GRID2IP: variants seen among roughly 807,000 people sequenced by gnomAD.
The protein encoded by GRID2IP is Grid2 interacting protein.
In GRID2IP, 78 loss-of-function variants were observed where a neutral mutation model predicts 114.3. That is an observed-to-expected ratio of 0.68 (90% CI 0.57 to 0.82). GRID2IP has a LOEUF of 0.82. GRID2IP is among the 40% of genes least tolerant of loss of function. GRID2IP has a pLI of 0.00. For synonymous variants in GRID2IP, 809 were observed against 724.0 expected, an observed-to-expected ratio of 1.12 and a Z score of -1.89; for missense variants, 1,727 against 1,678.5, an observed-to-expected ratio of 1.03 and a Z score of -0.51.
At chr7:6,544,614 C>G (rs1779859620) in intron 1 of GRID2IP, among the ~76,000 whole-genome samples, 1 of 151,992 alleles carries the variant, frequency 6.6e-6, no homozygotes, top group Non-Finnish European at 1.5e-5. Context: ...TCTCCATTCC[C>G]TGCAGCTTAT....
At chr7:6,505,978 C>A (rs1786572258) in intron 13 of GRID2IP, 71 bp from the exon 14 acceptor site, 8 of 1,065,574 alleles carry the variant, frequency 7.5e-6, no homozygotes, top group Non-Finnish European at 1.1e-5. Context: ...ACTTCCCACC[C>A]TCTGAGGGCT....
At chr7:6,510,050 A>G (rs370798212) in intron 11 of GRID2IP, among the ~76,000 whole-genome samples, 1 of 152,044 alleles carries the variant, frequency 6.6e-6, no homozygotes, top group African/African-American at 2.4e-5. Flanking sequence ...GGCTGGTCTC[A>G]AACTCCTGGG....
In GRID2IP at chr7:6,526,419, C is replaced by G; in HGVS notation, c.833+102G>C. On this transcript the variant is annotated intron_variant, in intron 3 of 21. Transcript: ENST00000457091. This position sits in a 1 kb window ranked among gnomAD's most constrained non-coding sequence, Gnocchi z 7.6. ...CTTAACCTCTCCGGCCCCCTATGCA[C>G]CCCAGATGCCCAGCCCCGCCCCTAC... 6.6e-7 allele frequency: 1 copy of G among 1,506,594 alleles called. No individual in the cohort carries two copies. The highest frequency in any genetic ancestry group is 8.9e-7 in the Non-Finnish European group (1 of 1,121,574). The allele number at this position is 1,506,594 out of a possible 1,614,324, so 93.3% of individuals were successfully genotyped here.
At position 6,505,889 on chromosome 7, in the gene GRID2IP, A is replaced by T; in HGVS notation, c.2563T>A (p.Tyr855Asn). The change falls in exon 14 of 22, where the codon TAC becomes AAC. Residue 855 changes from tyrosine (Y) to asparagine (N), a missense_variant. Physicochemically the swap from Tyr to Asn is moderately radical, Grantham distance 143. Coordinates refer to ENST00000457091, the MANE Select transcript of GRID2IP (RefSeq NM_001145118.2). The part of the protein sequence containing the change: ...IWGQLGEDSD[Y>N]DKLSDMVKYL... ...TTCACCATGTCACTCAGCTTATCGT[A>T]GTCAGAGTCTTCCCCGAGCTGCGAG... is the stretch of plus-strand genomic sequence containing the variant. The T allele has an allele frequency of 6.4e-7, 1 of 1,551,950 alleles. No homozygotes were observed. Among genetic ancestry groups the T allele is most frequent in the Non-Finnish European group, 8.7e-7 (1 of 1,146,922 alleles).
chr7:6,521,797 G>T lies in GRID2IP; in HGVS notation c.989+91C>A, dbSNP rs1044372306. 7 of 967,024 alleles carry T rather than the reference G, an allele frequency of 7.2e-6. No individual in the cohort carries two copies. The African/African-American group carries it at 1.1e-4, about 16-fold the overall frequency. 59.9% of individuals were successfully genotyped at this position (967,024 alleles called of 1,614,324 possible). A position where few individuals can be genotyped will look rare whatever the true frequency, so the allele number is the denominator to read the frequency against. On this transcript the variant is annotated intron_variant, in intron 5 of 21. Coordinates refer to ENST00000457091, the MANE Select transcript of GRID2IP (RefSeq NM_001145118.2). This position sits in a 1 kb window ranked among gnomAD's most constrained non-coding sequence, Gnocchi z 4.1. ...GGACCAAATGGTGAGAGGAGATTGT[G>T]ATCACAGCCTGGGTGCCCCAAGAGG...
chr7:6,539,123 A>T (rs1157462266), intron 2 of GRID2IP, among the ~76,000 whole-genome samples: 3 of 136,702 alleles, frequency 2.2e-5, no homozygotes, highest in Non-Finnish European at 4.6e-5. Flanking sequence ...GGAGCAGGGC[A>T]GACTGTGACC....
chr7:6,509,202 T>C lies in GRID2IP; in HGVS notation c.1883A>G (p.His628Arg). The change falls in exon 12 of 22, where the codon CAC becomes CGC. Residue 628 changes from histidine (H) to arginine (R), a missense_variant. By Grantham distance (29) the His-to-Arg change is conservative (BLOSUM62 0). Coordinates refer to ENST00000457091, the MANE Select transcript of GRID2IP (RefSeq NM_001145118.2). The surrounding 1 kb of genome is among the most constrained non-coding windows in gnomAD (Gnocchi z 4.9). Reference protein sequence around the residue: ...GLASPSSSESHPYASLDSSRA... With the variant: ...GLASPSSSESRPYASLDSSRA... Reference sequence around the variant, plus strand: ...GCTGCTGTCCAGGCTGGCGTAGGGGTGGGACTCAGAGCTGCTGGGGGAGGC... The same window carrying C: ...GCTGCTGTCCAGGCTGGCGTAGGGGCGGGACTCAGAGCTGCTGGGGGAGGC... 1 of 1,486,298 alleles carries C rather than the reference T, an allele frequency of 6.7e-7. No homozygotes were observed. Among genetic ancestry groups the C allele is most frequent in the Non-Finnish European group, 9.0e-7 (1 of 1,115,800 alleles). 92.1% of individuals were successfully genotyped at this position (1,486,298 alleles called of 1,614,324 possible).
intron 2 of GRID2IP, chr7:6,530,920 G>T: frequency 4.2e-6 from 2 of 474,482 alleles, no homozygotes; most frequent in East Asian, 3.5e-5. Flanking sequence ...CTGGGCCTCG[G>T]GCTCCGCCCA....
intron 7 of GRID2IP, 140 bp from the exon 8 acceptor site, chr7:6,514,669 G>T: frequency 1.4e-6 from 1 of 708,832 alleles, no homozygotes; most frequent in Non-Finnish European, 2.1e-6. Context: ...ACAGAAGTGG[G>T]GGCCGGGCAC....
chr7:6,526,758 G>C lies in GRID2IP; in HGVS notation c.596C>G (p.Pro199Arg), dbSNP rs928207576. The C allele has an allele frequency of 6.6e-7, 1 of 1,523,250 alleles. No homozygotes were observed. Among genetic ancestry groups the C allele is most frequent in the African/African-American group, 1.4e-5 (1 of 69,880 alleles). The allele number at this position is 1,523,250 out of a possible 1,614,324, so 94.4% of individuals were successfully genotyped here. A position where few individuals can be genotyped will look rare whatever the true frequency, so the allele number is the denominator to read the frequency against. Reference sequence around the variant, plus strand: ...GTCGAAGCGCGCCCGGTGCTTCTTGGGGATGAAGATCCTGCCGGCGAGGAC... The same window carrying C: ...GTCGAAGCGCGCCCGGTGCTTCTTGCGGATGAAGATCCTGCCGGCGAGGAC... ...PLLDNLRIFI[P>R]KKHRARFDEV... The change falls in exon 3 of 22, where the codon CCC (proline) becomes CGC (arginine). Residue 199 changes from proline (P) to arginine (R), a missense_variant. Transcript: ENST00000457091. The surrounding 1 kb of genome is among the most constrained non-coding windows in gnomAD (Gnocchi z 7.6).
Position 6,503,704 on chromosome 7 carries a change from G to A in GRID2IP, c.2711-17C>T. On this transcript the variant is annotated splice_polypyrimidine_tract_variant and intron_variant, in intron 15 of 21. Coordinates refer to ENST00000457091, the MANE Select transcript of GRID2IP (RefSeq NM_001145118.2). ...AGAGGATGGCTGCGGGCGGGGCGGG[G>A]CGGTGAGCTGGGCGGGGCCGGAGCG... The A allele has an allele frequency of 6.8e-7, 1 of 1,462,072 alleles. No homozygotes were observed. The highest frequency in any genetic ancestry group is 9.0e-7 in the Non-Finnish European group (1 of 1,113,112). The allele number at this position is 1,462,072 out of a possible 1,614,324, so 90.6% of individuals were successfully genotyped here.
intron 7 of GRID2IP, among the ~76,000 whole-genome samples, chr7:6,517,988 T>C (rs1319348764): frequency 6.6e-6 from 1 of 151,724 alleles, no homozygotes; most frequent in Non-Finnish European, 1.5e-5. Context: ...TCCCAGCACT[T>C]TGGAAGGCTA....
In GRID2IP at chr7:6,503,146, T is replaced by C; in HGVS notation, c.2925A>G (p.Glu975=). 1 of 1,535,642 alleles carries C rather than the reference T, an allele frequency of 6.5e-7. No homozygotes were observed. Among genetic ancestry groups the C allele is most frequent in the East Asian group, 2.5e-5 (1 of 40,690 alleles). ...QFVLQMLSVP[E]YKTRLRSLHF... is the part of the protein sequence containing the mutation. ...GGAGGCTGCGCAGGCGTGTCTTGTA[T>C]TCGGGAACTGACAGCATCTGCCTCG... Residue 975 remains glutamate (E), a synonymous_variant, in exon 17 of 22, where the codon GAA becomes GAG. Coordinates refer to ENST00000457091, the MANE Select transcript of GRID2IP (RefSeq NM_001145118.2).
chr7:6,510,417 GA>G lies in GRID2IP; in HGVS notation c.1654-18del. On this transcript the variant is annotated intron_variant, in intron 10 of 21. Transcript: ENST00000457091. ...GGCTGACATCTGGAGGGAGACGGGG[GA>G]GAGTCCAGCCCATTCTGCTTCCCCT... 1 of 1,500,568 alleles carries G rather than the reference GA, an allele frequency of 6.7e-7. No individual in the cohort carries two copies. Among genetic ancestry groups the G allele is most frequent in the South Asian group, 1.3e-5 (1 of 78,130 alleles). The allele number at this position is 1,500,568 out of a possible 1,614,324, so 93.0% of individuals were successfully genotyped here. A position where few individuals can be genotyped will look rare whatever the true frequency, so the allele number is the denominator to read the frequency against.
In GRID2IP at chr7:6,507,379, G is replaced by GAA. The variant is rs796392882; in HGVS notation, c.2544+604_2544+605dup. Among the ~76,000 whole-genome samples, 48 of 139,672 alleles carry GAA rather than the reference G, an allele frequency of 3.4e-4. No homozygotes were observed. The highest frequency in any genetic ancestry group is 1.6e-3 in the Admixed American group (23 of 14,050). 91.6% of individuals were successfully genotyped at this position (139,672 alleles called of 152,430 possible). A position where few individuals can be genotyped will look rare whatever the true frequency, so the allele number is the denominator to read the frequency against. Reference sequence around the variant, plus strand: ...AAACCATGTTCTAAGAGAATGATCTGAAAAAAAAAAAAAGGGGTGGGGTGA... The same window carrying GAA: ...AAACCATGTTCTAAGAGAATGATCTGAAAAAAAAAAAAAAAGGGGTGGGGTGA... On this transcript the variant is annotated intron_variant, in intron 13 of 21. Coordinates refer to ENST00000457091, the MANE Select transcript of GRID2IP (RefSeq NM_001145118.2). This position sits in a 1 kb window ranked among gnomAD's most constrained non-coding sequence, Gnocchi z 5.3.
At chr7:6,501,726 T>A (rs755534284) in intron 20 of GRID2IP, 55 bp downstream of exon 20, 122 of 1,355,254 alleles carry the variant, frequency 9.0e-5, no homozygotes, top group Non-Finnish European at 1.2e-4. Flanking sequence ...CAGCCAGCTC[T>A]ACCCAACCAC....
intron 1 of GRID2IP, among the ~76,000 whole-genome samples, chr7:6,541,026 T>A (rs1779808733): frequency 6.6e-6 from 1 of 151,922 alleles, no homozygotes; most frequent in African/African-American, 2.4e-5. Context: ...TAATCCCTCA[T>A]CTACTTAAAG....
rs1431135080 is a variant in GRID2IP at position 6,520,764 on chromosome 7, G to T, written c.1085-3C>A. 1 of 1,548,106 alleles carries T rather than the reference G, an allele frequency of 6.5e-7. No homozygotes were observed. The highest frequency in any genetic ancestry group is 1.2e-5 in the South Asian group (1 of 83,982). On this transcript the variant is annotated splice_polypyrimidine_tract_variant and splice_region_variant and intron_variant, in intron 6 of 21. Transcript: ENST00000457091. The surrounding 1 kb of genome is among the most constrained non-coding windows in gnomAD (Gnocchi z 4.6). ...GGGTGAGTCCAGAGAATCGGAGTCT[G>T]CTGGGACCACAGGCGGGAGAGGCAT...
At chr7:6,522,807 A>ATGTGTGTGTGTG (rs72277817) in intron 4 of GRID2IP, among the ~76,000 whole-genome samples, 32,240 of 147,468 alleles carry the variant, frequency 0.22, 4,072 homozygotes, top group Non-Finnish European at 0.3. Flanking sequence ...CCTGGCTAAT[A>ATGTGTGTGTGTG]TGTGTGTGTG....
Sources: gnomAD v4.1 joint callset for allele counts (sites outside exome capture counted in the v4.1 genomes callset) on GRCh38, gnomAD v4.1.1 for gene constraint, Gnocchi (gnomAD v3.1) non-coding constraint, MANE v1.5 for transcripts, NCBI Gene and HGNC (gene_info 2026-07-23, HGNC 2026-07-21) for gene names.